The following KCNQ5 variants were observed in gnomAD, a reference collection of about 807,000 sequenced individuals.
KCNQ5 encodes potassium voltage-gated channel subfamily KQT member 5.
KCNQ5 carries 30 observed loss-of-function variants against 98.2 expected under a neutral mutation model. The observed-to-expected ratio is 0.31, with a 90% CI of 0.23 to 0.41. The LOEUF is 0.41. KCNQ5 is among the 10% of genes least tolerant of loss of function. The pLI is 1.00. For synonymous variants in KCNQ5, 458 were observed against 449.4 expected, an observed-to-expected ratio of 1.02 and a Z score of -0.24; for missense variants, 835 against 1,182.5, an observed-to-expected ratio of 0.71 and a Z score of 4.31.
chr6:72,885,614 G>A (rs373083062), intron 1 of KCNQ5, among the ~76,000 whole-genome samples: 6 of 152,128 alleles, frequency 3.9e-5, no homozygotes, highest in Non-Finnish European at 7.4e-5. Flanking sequence ...ACATAGTTGA[G>A]CTGACAAAAA....
intron 7 of KCNQ5, among the ~76,000 whole-genome samples, chr6:73,114,449 G>A (rs973319755): frequency 6.6e-6 from 1 of 152,168 alleles, no homozygotes; most frequent in Non-Finnish European, 1.5e-5. Flanking sequence ...AACCCCAGAA[G>A]CTTGCAGCAA....
intron 1 of KCNQ5, among the ~76,000 whole-genome samples, chr6:72,985,811 A>G (rs951138886): frequency 1.3e-5 from 2 of 152,244 alleles, no homozygotes; most frequent in African/African-American, 2.4e-5. Flanking sequence ...ATTACTGGCT[A>G]TATACCCAAA....
chr6:72,972,926 C>T (rs1301302696), intron 1 of KCNQ5, among the ~76,000 whole-genome samples: 1 of 152,182 alleles, frequency 6.6e-6, no homozygotes, highest in Non-Finnish European at 1.5e-5. Context: ...AAAATTGAAG[C>T]TAACAGTACA....
intron 1 of KCNQ5, among the ~76,000 whole-genome samples, chr6:72,815,352 A>G (rs570208375): frequency 6.6e-6 from 1 of 152,344 alleles, no homozygotes; most frequent in Admixed American, 6.5e-5. Flanking sequence ...GTAAAGTTCT[A>G]TGTGGTATAA....
intron 1 of KCNQ5, among the ~76,000 whole-genome samples, chr6:72,713,479 C>T (rs1769478005): frequency 6.6e-6 from 1 of 152,096 alleles, no homozygotes. Flanking sequence ...TTCATATCCA[C>T]CTTCCAAATC....
intron 3 of KCNQ5, among the ~76,000 whole-genome samples, chr6:73,062,043 TGGAA>T (rs563441034): frequency 1.3e-5 from 2 of 152,162 alleles, no homozygotes; most frequent in Non-Finnish European, 2.9e-5. Context: ...AAGAGGTAAA[TGGAA>T]GGAGCAAGAA....
intron 2 of KCNQ5, among the ~76,000 whole-genome samples, chr6:73,039,666 G>A (rs1312858408): frequency 6.6e-6 from 1 of 152,088 alleles, no homozygotes; most frequent in African/African-American, 2.4e-5. Flanking sequence ...ATTCCATTGT[G>A]GCTTGAGAAC....
chr6:72,822,775 G>A (rs1188899904), intron 1 of KCNQ5, among the ~76,000 whole-genome samples: 1 of 152,070 alleles, frequency 6.6e-6, no homozygotes, highest in Non-Finnish European at 1.5e-5. Context: ...TTATAGTTCT[G>A]GAGGCCAGAA....
intron 1 of KCNQ5, among the ~76,000 whole-genome samples, chr6:72,644,617 A>T (rs554769884): frequency 1.3e-5 from 2 of 152,308 alleles, no homozygotes; most frequent in African/African-American, 4.8e-5. Context: ...CATGTATATA[A>T]ATGGAAAGTT....
intron 3 of KCNQ5, among the ~76,000 whole-genome samples, chr6:73,046,624 T>TTTTATTTTAA (rs1390384891): frequency 1.4e-5 from 2 of 144,994 alleles, no homozygotes; most frequent in Admixed American, 1.4e-4. Context: ...TTTTATTTTA[T>TTTTATTTTAA]TTTATTTTAT....
intron 1 of KCNQ5, among the ~76,000 whole-genome samples, chr6:72,857,090 C>T (rs188505299): frequency 5.1e-4 from 77 of 152,332 alleles, no homozygotes; most frequent in African/African-American, 1.6e-3. Context: ...AGCACTCATG[C>T]GGCCATGCAG....
chr6:73,018,141 A>C (rs982570726), intron 2 of KCNQ5, among the ~76,000 whole-genome samples: 2 of 152,198 alleles, frequency 1.3e-5, no homozygotes, highest in African/African-American at 2.4e-5. Context: ...TCTTTGACTT[A>C]ATGATAATAA....
At chr6:72,864,630 T>C (rs1359278244) in intron 1 of KCNQ5, among the ~76,000 whole-genome samples, 1 of 152,210 alleles carries the variant, frequency 6.6e-6, no homozygotes, top group East Asian at 1.9e-4. Context: ...TATTTGGAGA[T>C]GCTAGTTTCT....
At chr6:72,631,648 G>A (rs1463316508) in intron 1 of KCNQ5, among the ~76,000 whole-genome samples, 1 of 152,192 alleles carries the variant, frequency 6.6e-6, no homozygotes. Flanking sequence ...AAGCAGTGAG[G>A]GCAGAGGCAG....
chr6:72,692,747 G>C (rs1565083208), intron 1 of KCNQ5, among the ~76,000 whole-genome samples: 1 of 152,182 alleles, frequency 6.6e-6, no homozygotes, highest in South Asian at 2.1e-4. Flanking sequence ...CTTATGTACT[G>C]ATGCTCTTGA....
At chr6:72,846,675 T>G (rs1412648705) in intron 1 of KCNQ5, among the ~76,000 whole-genome samples, 1 of 152,120 alleles carries the variant, frequency 6.6e-6, no homozygotes, top group East Asian at 1.9e-4. Context: ...CAAGGCTCTT[T>G]CTAAAAAAAG....
chr6:73,013,283 C>T lies in KCNQ5; in HGVS notation c.489+9285C>T, dbSNP rs751727243. 3.9e-5 allele frequency among the ~76,000 whole-genome samples: 6 copies of T among 152,194 alleles called. 1 individual carries two copies. The South Asian group carries it at 1.0e-3, about 26-fold the overall frequency. ...AATTGTTGAAGCATTTTAGTAAATA[C>T]GTCTGATGACAGTGCTTGTGGCTTT... On this transcript the variant is annotated intron_variant, in intron 2 of 13. Transcript: ENST00000370398.
intron 1 of KCNQ5, among the ~76,000 whole-genome samples, chr6:72,891,417 A>G (rs893905415): frequency 1.3e-5 from 2 of 152,214 alleles, no homozygotes. Context: ...ATGAATGAAG[A>G]TATGTGGATA....
chr6:72,801,610 C>G (rs1486214517), intron 1 of KCNQ5, among the ~76,000 whole-genome samples: 1 of 128,128 alleles, frequency 7.8e-6, no homozygotes, highest in East Asian at 2.2e-4. Flanking sequence ...TTAATTGGAG[C>G]ATTTAGTCCA....
Sources: gnomAD v4.1 joint callset for allele counts (sites outside exome capture counted in the v4.1 genomes callset) on GRCh38, gnomAD v4.1.1 for gene constraint, MANE v1.5 for transcripts, NCBI Gene and HGNC (gene_info 2026-07-23, HGNC 2026-07-21) for gene names.